The following FGF14 variants were observed in gnomAD, a reference collection of about 807,000 sequenced individuals.
The protein encoded by FGF14 is fibroblast growth factor 14.
Under a neutral mutation model 25.5 loss-of-function variants are expected in FGF14, and 5 were observed. The observed-to-expected ratio is 0.20, with a 90% CI of 0.10 to 0.41. FGF14 has a LOEUF of 0.41. Among genes scored for constraint, FGF14 ranks in the 10% least tolerant of loss-of-function variants. FGF14 has a pLI of 1.00. For synonymous variants in FGF14, 138 were observed against 118.3 expected, an observed-to-expected ratio of 1.17 and a Z score of -1.08; for missense variants, 222 against 320.1, an observed-to-expected ratio of 0.69 and a Z score of 2.34.
intron 1 of FGF14, among the ~76,000 whole-genome samples, chr13:102,153,654 G>C (rs1333241011): frequency 2.0e-5 from 3 of 152,132 alleles, no homozygotes; most frequent in Admixed American, 2.0e-4. Flanking sequence ...TAAATGTACA[G>C]TTCAGTAGTA....
At chr13:102,144,391 A>G (rs1478438142) in intron 1 of FGF14, among the ~76,000 whole-genome samples, 2 of 152,200 alleles carry the variant, frequency 1.3e-5, no homozygotes, top group East Asian at 3.8e-4. Context: ...AAATGGAAGT[A>G]CATAAAAATG....
At chr13:101,755,266 C>G (rs2037566482) in intron 3 of FGF14, among the ~76,000 whole-genome samples, 1 of 152,112 alleles carries the variant, frequency 6.6e-6, no homozygotes. Context: ...CTTCACACTA[C>G]CCACCCTCTT....
intron 1 of FGF14, among the ~76,000 whole-genome samples, chr13:102,260,772 A>C (rs1202246001): frequency 1.3e-5 from 2 of 152,226 alleles, no homozygotes; most frequent in African/African-American, 2.4e-5. Flanking sequence ...CACCCAGTGT[A>C]GCCTGTTCAC....
At chr13:102,180,219 T>A (rs2048611499) in intron 1 of FGF14, among the ~76,000 whole-genome samples, 1 of 152,218 alleles carries the variant, frequency 6.6e-6, no homozygotes, top group African/African-American at 2.4e-5. Context: ...ACAGTATGAA[T>A]GTTAATCATT....
intron 1 of FGF14, among the ~76,000 whole-genome samples, chr13:102,244,491 A>G (rs1459688655): frequency 6.6e-6 from 1 of 151,894 alleles, no homozygotes; most frequent in African/African-American, 2.4e-5. Context: ...TTAAAATTAT[A>G]TTATTATCAA....
At chr13:102,353,074 C>A (rs939563944) in intron 1 of FGF14, among the ~76,000 whole-genome samples, 3 of 152,002 alleles carry the variant, frequency 2.0e-5, no homozygotes, top group Non-Finnish European at 4.4e-5. Flanking sequence ...TAATTGGAGT[C>A]CAGTGTCAAG....
chr13:102,013,380 T>C (rs1189294561), intron 1 of FGF14, among the ~76,000 whole-genome samples: 1 of 152,166 alleles, frequency 6.6e-6, no homozygotes, highest in Non-Finnish European at 1.5e-5. Flanking sequence ...TACAGATATT[T>C]TAAGAAAATT....
intron 1 of FGF14, among the ~76,000 whole-genome samples, chr13:102,362,645 A>C (rs1424095706): frequency 2.6e-5 from 4 of 152,214 alleles, no homozygotes; most frequent in Non-Finnish European, 4.4e-5. Context: ...TTGTTGACTT[A>C]GCACTTGTAT....
At chr13:101,788,955 G>GAC (rs2040065787) in intron 3 of FGF14, among the ~76,000 whole-genome samples, 2 of 28,498 alleles carry the variant, frequency 7.0e-5, no homozygotes, top group African/African-American at 8.9e-5. Flanking sequence ...GAGACAGAGA[G>GAC]AGAGAGAGAG....
chr13:101,756,071 A>G (rs896795632), intron 3 of FGF14, among the ~76,000 whole-genome samples: 2 of 152,222 alleles, frequency 1.3e-5, no homozygotes, highest in Non-Finnish European at 1.5e-5. Flanking sequence ...GTACGAGAGC[A>G]CAGCAGGCTG....
At chr13:102,013,914 C>T (rs534619991) in intron 1 of FGF14, among the ~76,000 whole-genome samples, 9 of 152,218 alleles carry the variant, frequency 5.9e-5, no homozygotes, top group East Asian at 5.8e-4. Flanking sequence ...TTAGAGCAGA[C>T]GTCTTCCAAT....
chr13:102,133,673 G>A lies in FGF14; in HGVS notation c.209-258377C>T, dbSNP rs550458754. 4.6e-5 allele frequency among the ~76,000 whole-genome samples: 7 copies of A among 152,230 alleles called. No homozygotes were observed. The East Asian group carries it at 9.7e-4, about 21-fold the overall frequency. On this transcript the variant is annotated intron_variant, in intron 1 of 4. Transcript: ENST00000376131. The stretch of plus-strand genomic sequence containing the variant: ...CAACATTTTAGATCAATTGTTAACC[G>A]ACAATTGGCTTACACGAGGTGGATT...
intron 1 of FGF14, among the ~76,000 whole-genome samples, chr13:102,157,336 G>C (rs926857776): frequency 2.6e-5 from 4 of 151,988 alleles, no homozygotes; most frequent in Admixed American, 6.6e-5. Context: ...CAGAACAGAG[G>C]CCTCAGAAAT....
At chr13:102,194,708 A>G (rs921155489) in intron 1 of FGF14, among the ~76,000 whole-genome samples, 1 of 152,224 alleles carries the variant, frequency 6.6e-6, no homozygotes, top group African/African-American at 2.4e-5. Context: ...AACAGTAACC[A>G]AATTTTCAAA....
intron 3 of FGF14, among the ~76,000 whole-genome samples, chr13:101,777,651 T>G (rs552469734): frequency 1.3e-5 from 2 of 152,248 alleles, no homozygotes; most frequent in South Asian, 4.2e-4. Context: ...CAGGAGAAAG[T>G]TTTGAATCTA....
intron 1 of FGF14, among the ~76,000 whole-genome samples, chr13:102,180,438 G>C (rs533144551): frequency 2.0e-5 from 3 of 152,000 alleles, no homozygotes; most frequent in East Asian, 3.9e-4. Flanking sequence ...TCAGCCTCCC[G>C]AGTAGCTGGG....
intron 1 of FGF14, among the ~76,000 whole-genome samples, chr13:102,083,492 G>T (rs891359040): frequency 1.3e-5 from 2 of 152,030 alleles, no homozygotes; most frequent in African/African-American, 4.8e-5. Flanking sequence ...AGCATTAAAT[G>T]ACAGATAGTA....
At chr13:101,809,311 C>T (rs543704189) in intron 3 of FGF14, among the ~76,000 whole-genome samples, 19 of 152,176 alleles carry the variant, frequency 1.2e-4, no homozygotes, top group African/African-American at 4.6e-4. Context: ...AAATCTTTAA[C>T]CTTATGCCTT....
chr13:101,744,663 T>G (rs967158991), intron 3 of FGF14, among the ~76,000 whole-genome samples: 5 of 152,098 alleles, frequency 3.3e-5, no homozygotes, highest in African/African-American at 7.2e-5. Context: ...AGAAATAGCT[T>G]TTAAATCTAA....
Sources: allele counts gnomAD v4.1 joint callset (sites outside exome capture counted in the v4.1 genomes callset), GRCh38; gene constraint gnomAD v4.1.1; transcripts MANE v1.5; gene names NCBI Gene and HGNC (gene_info 2026-07-23, HGNC 2026-07-21).